Variants in DPH6 observed in about 807,000 individuals in gnomAD.
DPH6 encodes diphthine--ammonia ligase.
In DPH6, 33 loss-of-function variants were observed where a neutral mutation model predicts 38.2. The ratio of observed to expected loss-of-function variants is 0.86; its 90% CI spans 0.65 to 1.15. The LOEUF (loss-of-function observed/expected upper bound fraction) is 1.15, where lower values mean the gene tolerates loss of function less well. DPH6 is among the 50% of genes most tolerant of loss of function. DPH6 has a pLI of 0.00. For missense variants in DPH6, 325 were observed against 320.0 expected (o/e 1.02, Z -0.12); for synonymous variants, 108 against 103.0 (o/e 1.05, Z -0.30).
chr15:35,526,076 A>C (rs2054997034), intron 3 of DPH6, among the ~76,000 whole-genome samples: 1 of 152,180 alleles, frequency 6.6e-6, no homozygotes. Flanking sequence ...TGTCACAAGA[A>C]ATGGCTATCA....
At chr15:35,491,119 C>T (rs1392425698) in intron 3 of DPH6, among the ~76,000 whole-genome samples, 1 of 152,028 alleles carries the variant, frequency 6.6e-6, no homozygotes, top group Admixed American at 6.6e-5. Flanking sequence ...AATTAAACTT[C>T]AACATGAGTT....
intron 3 of DPH6, among the ~76,000 whole-genome samples, chr15:35,460,862 G>C (rs1330769283): frequency 7.5e-6 from 1 of 133,186 alleles, no homozygotes; most frequent in Non-Finnish European, 1.5e-5. Context: ...TTTAACAATA[G>C]AGACGGCACT....
intron 6 of DPH6, among the ~76,000 whole-genome samples, chr15:35,395,734 G>T (rs926684512): frequency 2.6e-5 from 4 of 152,112 alleles, no homozygotes; most frequent in African/African-American, 9.7e-5. Flanking sequence ...GTATCAGTTT[G>T]ACTTTACCTA....
chr15:35,250,112 A>G (rs796655557), intron 3 of DPH6, among the ~76,000 whole-genome samples: 6 of 152,268 alleles, frequency 3.9e-5, no homozygotes, highest in African/African-American at 1.4e-4. Context: ...CGGGAGGCAG[A>G]GCTTGCAGTG....
At chr15:35,233,686 G>C (rs912426961) in intron 3 of DPH6, among the ~76,000 whole-genome samples, 1 of 152,114 alleles carries the variant, frequency 6.6e-6, no homozygotes, top group South Asian at 2.1e-4. Context: ...AAGCACAAAG[G>C]TCTTGGACAT....
chr15:35,349,887 G>A (rs1419966794), intron 3 of DPH6, among the ~76,000 whole-genome samples: 1 of 152,098 alleles, frequency 6.6e-6, no homozygotes, highest in Non-Finnish European at 1.5e-5. Context: ...TTTTTGCATC[G>A]ACATTCATCA....
At position 35,235,045 on chromosome 15, in the gene DPH6, A is replaced by G. The variant is rs572868755; in HGVS notation, n.201-14463T>C. Among the ~76,000 whole-genome samples the G allele has an allele frequency of 6.6e-5, 10 of 152,346 alleles. No homozygotes were observed. In the East Asian group the frequency reaches 1.9e-3, roughly 29 times the overall value. On this transcript the variant is annotated intron_variant and non_coding_transcript_variant, in intron 3 of 3. Coordinates refer to the DPH6 transcript ENST00000560386. ...AAACATAGGTCTTCAGTCAGGCTCTACTTCTATCTCTGGTATCTGGGAAAC... is the reference window on the plus strand; with the variant it reads ...AAACATAGGTCTTCAGTCAGGCTCTGCTTCTATCTCTGGTATCTGGGAAAC...
chr15:35,372,192 C>G lies in DPH6; in HGVS notation c.762G>C (p.Val254=). ...AATTAGATGTTCTGTAGTTGTCAGG[C>G]ACTGAGGACACCTAAAAAAAAAAGG... ...ELHLEDKVSS[V]PDNYRTSNYI... Residue 254 remains valine, a synonymous_variant, in exon 9 of 9, where the codon GTG becomes GTC. Coordinates refer to ENST00000256538, the MANE Select transcript of DPH6 (RefSeq NM_080650.4). 1 of 1,494,456 alleles carries G rather than the reference C, an allele frequency of 6.7e-7. No homozygotes were observed. Among genetic ancestry groups the G allele is most frequent in the Non-Finnish European group, 8.9e-7 (1 of 1,128,700 alleles). The allele number at this position is 1,494,456 out of a possible 1,614,324, so 92.6% of individuals were successfully genotyped here.
chr15:35,178,903 T>A, the DPH6 span, among the ~76,000 whole-genome samples: 1 of 152,124 alleles, frequency 6.6e-6, no homozygotes, highest in Non-Finnish European at 1.5e-5. Context: ...ACCCAATAAG[T>A]GCTCAATAAA....
intron 3 of DPH6, among the ~76,000 whole-genome samples, chr15:35,511,317 A>G (rs899902652): frequency 1.3e-5 from 2 of 152,180 alleles, no homozygotes; most frequent in Non-Finnish European, 2.9e-5. Flanking sequence ...GAGGGAAAAA[A>G]AGAGAAAATT....
chr15:35,397,611 T>C (rs774700846), intron 6 of DPH6, among the ~76,000 whole-genome samples: 20 of 151,912 alleles, frequency 1.3e-4, no homozygotes, highest in African/African-American at 3.6e-4. Context: ...ATTTACACAA[T>C]AGAATAACCA....
intron 3 of DPH6, among the ~76,000 whole-genome samples, chr15:35,304,283 T>C (rs762238186): frequency 5.3e-5 from 8 of 152,132 alleles, no homozygotes; most frequent in Non-Finnish European, 1.2e-4. Context: ...CTGCTGATTG[T>C]AAGCCCAAGT....
intron 5 of DPH6, among the ~76,000 whole-genome samples, 187 bp from the exon 6 acceptor site, chr15:35,411,083 T>C (rs1467012731): frequency 6.6e-6 from 1 of 151,744 alleles, no homozygotes; most frequent in Admixed American, 6.6e-5. Context: ...ACTGGTTTTA[T>C]TGCTTCTGAA....
chr15:35,472,073 T>C (rs911728021), intron 3 of DPH6, among the ~76,000 whole-genome samples: 5 of 152,096 alleles, frequency 3.3e-5, no homozygotes, highest in Non-Finnish European at 5.9e-5. Context: ...CTGGGCAACA[T>C]AGCGAGTCCT....
chr15:35,502,915 T>TATATATAATTATATATATAA (rs2054646134), intron 3 of DPH6, among the ~76,000 whole-genome samples: 1 of 147,534 alleles, frequency 6.8e-6, no homozygotes, highest in African/African-American at 2.5e-5. Flanking sequence ...TATATATATT[T>TATATATAATTATATATATAA]ATATATAATT....
chr15:35,196,573 A>G, the DPH6 span, among the ~76,000 whole-genome samples: 1 of 152,248 alleles, frequency 6.6e-6, no homozygotes, highest in Non-Finnish European at 1.5e-5. Flanking sequence ...GTTGATCCAC[A>G]GAATAAACTT....
chr15:35,501,225 TA>T (rs1489675030), intron 3 of DPH6, among the ~76,000 whole-genome samples: 2 of 152,186 alleles, frequency 1.3e-5, no homozygotes, highest in African/African-American at 4.8e-5. Flanking sequence ...AGAAAAACAT[TA>T]GAGACTTACT....
downstream of DPH6, among the ~76,000 whole-genome samples, chr15:35,213,487 C>T (rs1034468556): frequency 7.9e-5 from 12 of 152,084 alleles, no homozygotes; most frequent in African/African-American, 2.9e-4. Context: ...TAATCTTTCC[C>T]CCACCTCCCC....
intron 5 of DPH6, among the ~76,000 whole-genome samples, chr15:35,420,612 G>T (rs112811684): frequency 0.31 from 46,585 of 152,016 alleles, 7,861 homozygotes; most frequent in African/African-American, 0.45. Flanking sequence ...CGCCTCCTGG[G>T]ATCAAGCATT....
Sources: gnomAD v4.1 joint callset for allele counts (sites outside exome capture counted in the v4.1 genomes callset) on GRCh38, gnomAD v4.1.1 for gene constraint, MANE v1.5 for transcripts, NCBI Gene and HGNC (gene_info 2026-07-23, HGNC 2026-07-21) for gene names.